The following KCNQ1 variants were observed in gnomAD, a reference collection of about 807,000 sequenced individuals.
The protein encoded by KCNQ1 is potassium voltage-gated channel subfamily KQT member 1.
A neutral mutation model predicts 72.4 loss-of-function variants in KCNQ1; 49 were observed. The observed-to-expected ratio is 0.68, with a 90% CI of 0.54 to 0.86. KCNQ1 has a LOEUF of 0.86. Among genes scored for constraint, KCNQ1 ranks in the 40% least tolerant of loss-of-function variants. The pLI is 0.00. For synonymous variants in KCNQ1, 450 were observed against 412.6 expected (o/e 1.09, Z -1.10); for missense variants, 790 against 945.1 (o/e 0.84, Z 2.15).
intron 10 of KCNQ1, chr11:2,622,710 A>G (rs1174574397): frequency 2.5e-6 from 1 of 398,310 alleles, no homozygotes; most frequent in African/African-American, 2.1e-5. Flanking sequence ...GTGTATGTGT[A>G]TTTTAAAGAC....
chr11:2,495,178 G>A lies in KCNQ1; in HGVS notation c.387-32750G>A, dbSNP rs925750406. The stretch of plus-strand genomic sequence containing the variant: ...TAGTTTGTATTTCTGTGGGATCAGT[G>A]GTGATATCCCCTTTATCATTTTTTA... On this transcript the variant is annotated intron_variant, in intron 1 of 15. Coordinates refer to ENST00000155840, the MANE Select transcript of KCNQ1 (RefSeq NM_000218.3). This position sits in a 1 kb window ranked among gnomAD's most constrained non-coding sequence, Gnocchi z 4.6. Among the ~76,000 whole-genome samples the A allele has an allele frequency of 3.3e-5, 5 of 152,044 alleles. No homozygotes were observed. Among genetic ancestry groups the A allele is most frequent in the African/African-American group, 1.2e-4 (5 of 41,396 alleles).
chr11:2,717,157 A>G (rs1056780089), intron 11 of KCNQ1, among the ~76,000 whole-genome samples: 7 of 152,190 alleles, frequency 4.6e-5, no homozygotes, highest in Non-Finnish European at 8.8e-5. Context: ...CTGGCAGGGC[A>G]GGCAATTCCA....
At chr11:2,729,282 C>T (rs947776178) in intron 11 of KCNQ1, among the ~76,000 whole-genome samples, 8 of 152,268 alleles carry the variant, frequency 5.3e-5, no homozygotes, top group Admixed American at 2.6e-4. Context: ...CTGGACGTGA[C>T]AAATCTCTGT....
In KCNQ1 at chr11:2,695,645, G is replaced by T. The variant is rs1470654686; in HGVS notation, c.1514+33564G>T. The T allele has an allele frequency of 2.5e-6, 1 of 398,448 alleles. No homozygotes were observed. Among genetic ancestry groups the T allele is most frequent in the Non-Finnish European group, 4.4e-6 (1 of 226,072 alleles). The allele number at this position is 398,448 out of a possible 1,614,324, so 24.7% of individuals were successfully genotyped here. ...TAGGAGGGAAACTGCTGGGCCACAG[G>T]TATAAAATATTTTATTTGAGGAAGA... On this transcript the variant is annotated intron_variant, in intron 11 of 15. Coordinates refer to ENST00000155840, the MANE Select transcript of KCNQ1 (RefSeq NM_000218.3). This position sits in a 1 kb window ranked among gnomAD's most constrained non-coding sequence, Gnocchi z 5.2.
intron 15 of KCNQ1, among the ~76,000 whole-genome samples, chr11:2,811,910 C>T (rs1847494776): frequency 6.6e-6 from 1 of 152,188 alleles, no homozygotes; most frequent in Non-Finnish European, 1.5e-5. Flanking sequence ...GTGCCCGCCG[C>T]AGGATGACAG....
In KCNQ1 at chr11:2,703,016, G is replaced by A. The variant is rs1319085380; in HGVS notation, c.1514+40935G>A. Among the ~76,000 whole-genome samples, 1 of 152,198 alleles carries A rather than the reference G, an allele frequency of 6.6e-6. No homozygotes were observed. The highest frequency in any genetic ancestry group is 1.9e-4 in the East Asian group (1 of 5,200). ...GGAAAACAGGCCGAGACTGAGAGGG[G>A]TTTGTTGTCTCGTCGGGCGACAAGA... On this transcript the variant is annotated intron_variant, in intron 11 of 15. Coordinates refer to ENST00000155840, the MANE Select transcript of KCNQ1 (RefSeq NM_000218.3). This position sits in a 1 kb window ranked among gnomAD's most constrained non-coding sequence, Gnocchi z 6.4.
chr11:2,577,495 C>T (rs938642889), intron 6 of KCNQ1, among the ~76,000 whole-genome samples: 4 of 152,220 alleles, frequency 2.6e-5, no homozygotes, highest in Admixed American at 1.3e-4. Context: ...GGGGTGTTGA[C>T]GGTTTCACCA....
chr11:2,576,418 G>A (rs562747500), intron 6 of KCNQ1, among the ~76,000 whole-genome samples: 1 of 152,360 alleles, frequency 6.6e-6, no homozygotes, highest in Non-Finnish European at 1.5e-5. Flanking sequence ...GGAACAAAAT[G>A]CGTTTGTTTG....
Position 2,682,774 on chromosome 11 carries a change from G to C in KCNQ1, c.1514+20693G>C, listed in dbSNP as rs911562744. ...CTCTGTTGACATTCTAGAAATGCAG[G>C]GAAATCTGGGCACCATGAAATGCAG... On this transcript the variant is annotated intron_variant, in intron 11 of 15. Coordinates refer to ENST00000155840, the MANE Select transcript of KCNQ1 (RefSeq NM_000218.3). This position sits in a 1 kb window ranked among gnomAD's most constrained non-coding sequence, Gnocchi z 5.8. 2 of 398,628 alleles carry C rather than the reference G, an allele frequency of 5.0e-6. No homozygotes were observed. Among genetic ancestry groups the C allele is most frequent in the Non-Finnish European group, 4.4e-6 (1 of 226,082 alleles). 24.7% of individuals were successfully genotyped at this position (398,628 alleles called of 1,614,324 possible).
Position 2,509,614 on chromosome 11 carries a change from A to C in KCNQ1, c.387-18314A>C, listed in dbSNP as rs1847162029. On this transcript the variant is annotated intron_variant, in intron 1 of 15. Transcript: ENST00000155840. The surrounding 1 kb of genome is among the most constrained non-coding windows in gnomAD (Gnocchi z 6.3). ...GGGCAGTAGTGCAGGTCGTGGTCCC[A>C]GATGGCCACGGAGGTGTCAGCGTTT... Among the ~76,000 whole-genome samples the C allele has an allele frequency of 1.3e-5, 2 of 152,180 alleles. No individual in the cohort carries two copies. Among genetic ancestry groups the C allele is most frequent in the African/African-American group, 4.8e-5 (2 of 41,448 alleles).
chr11:2,726,088 C>T lies in KCNQ1; in HGVS notation c.1515-42756C>T, dbSNP rs925931925. ...AGCCATGCATACAGAGCCACCTCTG[C>T]GTGGGTGAAGGGCTGGGGACGGCCT... On this transcript the variant is annotated intron_variant, in intron 11 of 15. Coordinates refer to ENST00000155840, the MANE Select transcript of KCNQ1 (RefSeq NM_000218.3). 2.6e-5 allele frequency among the ~76,000 whole-genome samples: 4 copies of T among 152,154 alleles called. No individual in the cohort carries two copies. The South Asian group carries it at 6.2e-4, about 24-fold the overall frequency.
chr11:2,796,308 A>G (rs1234266800), intron 15 of KCNQ1, among the ~76,000 whole-genome samples: 1 of 152,086 alleles, frequency 6.6e-6, no homozygotes, highest in African/African-American at 2.4e-5. Context: ...GTTTGAGATC[A>G]CCGCCTGGCT....
rs1026629360 is a variant in KCNQ1, at chr11:2,654,465, C to T, written c.1394-7496C>T. On this transcript the variant is annotated intron_variant, in intron 10 of 15. Coordinates refer to ENST00000155840, the MANE Select transcript of KCNQ1 (RefSeq NM_000218.3). This position sits in a 1 kb window ranked among gnomAD's most constrained non-coding sequence, Gnocchi z 6.4. ...GTTCCCGTGCTGAGCGCCAGGCACA[C>T]ATAAGCCCTGCAGCCGTACAGGGGA... is the stretch of plus-strand genomic sequence containing the variant. 1 of 398,694 alleles carries T rather than the reference C, an allele frequency of 2.5e-6. No individual in the cohort carries two copies. The highest frequency in any genetic ancestry group is 4.4e-6 in the Non-Finnish European group (1 of 226,190). The allele number at this position is 398,694 out of a possible 1,614,324, so 24.7% of individuals were successfully genotyped here.
chr11:2,689,381 G>A, intron 11 of KCNQ1: 1 of 398,720 alleles, frequency 2.5e-6, no homozygotes, highest in East Asian at 3.6e-5. Context: ...TGCTTGAGTG[G>A]GGTGGAAGAA....
chr11:2,628,553 G>T (rs1181477280), intron 10 of KCNQ1: 6 of 398,278 alleles, frequency 1.5e-5, no homozygotes, highest in Admixed American at 8.8e-5. Context: ...TAGCTTATCA[G>T]ATATATGGTT....
chr11:2,635,527 T>C (rs1849449405), intron 10 of KCNQ1: 1 of 152,240 alleles, frequency 6.6e-6, no homozygotes, highest in Admixed American at 6.5e-5. Context: ...CTCTGTTCTG[T>C]TCCATTGGTC....
In KCNQ1 at chr11:2,623,433, T is replaced by A. The variant is rs1424880947; in HGVS notation, c.1393+34579T>A. The A allele has an allele frequency of 2.5e-6, 1 of 398,444 alleles. No individual in the cohort carries two copies. The highest frequency in any genetic ancestry group is 4.4e-6 in the Non-Finnish European group (1 of 226,068). The allele number at this position is 398,444 out of a possible 1,614,324, so 24.7% of individuals were successfully genotyped here. ...TGTGCACTGCCTATTCAACCCTTCT[T>A]CCCCAACAACCCTTGGCAACCACTG... On this transcript the variant is annotated intron_variant, in intron 10 of 15. Transcript: ENST00000155840. This position sits in a 1 kb window ranked among gnomAD's most constrained non-coding sequence, Gnocchi z 5.2.
chr11:2,802,981 T>G (rs1383276914), intron 15 of KCNQ1, among the ~76,000 whole-genome samples: 3 of 152,118 alleles, frequency 2.0e-5, no homozygotes, highest in Admixed American at 2.0e-4. Flanking sequence ...GGGCAACCCC[T>G]CAGCTCCACT....
At chr11:2,634,889 G>C (rs1849432089) in intron 10 of KCNQ1, 1 of 152,156 alleles carries the variant, frequency 6.6e-6, no homozygotes, top group South Asian at 2.1e-4. Flanking sequence ...GTGTGAGATG[G>C]TATCTCATTG....
Sources: gnomAD v4.1 joint callset for allele counts (sites outside exome capture counted in the v4.1 genomes callset) on GRCh38, gnomAD v4.1.1 for gene constraint, Gnocchi (gnomAD v3.1) non-coding constraint, MANE v1.5 for transcripts, NCBI Gene and HGNC (gene_info 2026-07-23, HGNC 2026-07-21) for gene names.